SLC4A4: variants seen among roughly 807,000 people sequenced by gnomAD.
SLC4A4 encodes the protein solute carrier family 4 member 4.
SLC4A4 carries 27 observed loss-of-function variants against 111.5 expected under a neutral mutation model. That is an observed-to-expected ratio of 0.24 (90% CI 0.18 to 0.33). SLC4A4 has a LOEUF of 0.33. SLC4A4 is among the 10% of genes least tolerant of loss of function. The probability of loss-of-function intolerance (pLI) is 1.00; values close to 1 mark genes in which losing one functional copy is unlikely to be tolerated. For missense variants in SLC4A4, 909 were observed against 1,315.5 expected (o/e 0.69, Z 4.78); for synonymous variants, 443 against 463.4 (o/e 0.96, Z 0.57).
intron 18 of SLC4A4, among the ~76,000 whole-genome samples, chr4:71,544,095 T>C (rs1288008576): frequency 1.3e-5 from 2 of 152,022 alleles, no homozygotes; most frequent in Admixed American, 1.3e-4. Context: ...CAAAGACAGA[T>C]GAATACATAC....
chr4:71,293,692 T>TA (rs1435989601), intron 3 of SLC4A4, among the ~76,000 whole-genome samples: 1 of 152,214 alleles, frequency 6.6e-6, no homozygotes, highest in African/African-American at 2.4e-5. Flanking sequence ...AGACTGATGG[T>TA]ATCACATAAA....
At chr4:71,100,377 G>A (rs1578478572) in intron 2 of SLC4A4, among the ~76,000 whole-genome samples, 2 of 151,576 alleles carry the variant, frequency 1.3e-5, no homozygotes, top group Middle Eastern at 6.8e-3. Flanking sequence ...CTCAATAGAT[G>A]CAGAAAAGGC....
intron 7 of SLC4A4, among the ~76,000 whole-genome samples, chr4:71,403,674 T>C (rs1046429152): frequency 5.9e-5 from 9 of 152,164 alleles, no homozygotes; most frequent in African/African-American, 2.2e-4. Context: ...GGAGCAAATG[T>C]AGCAGGTGTG....
intron 1 of SLC4A4, among the ~76,000 whole-genome samples, chr4:71,200,530 A>G (rs949152351): frequency 6.6e-6 from 1 of 152,190 alleles, no homozygotes; most frequent in Non-Finnish European, 1.5e-5. Context: ...GAGTGTTTCC[A>G]TGTCATTATG....
At chr4:71,085,080 T>G (rs1157232015) in intron 1 of SLC4A4, among the ~76,000 whole-genome samples, 1 of 152,084 alleles carries the variant, frequency 6.6e-6, no homozygotes, top group African/African-American at 2.4e-5. Context: ...TTTCCTGACT[T>G]TTTAATGATT....
At chr4:71,440,858 A>C (rs553978135) in intron 8 of SLC4A4, 85 bp downstream of exon 8, 2 of 1,452,962 alleles carry the variant, frequency 1.4e-6, no homozygotes, top group African/African-American at 1.4e-5. Context: ...TAGAATGAGG[A>C]AATATTTAGT....
intron 7 of SLC4A4, among the ~76,000 whole-genome samples, chr4:71,414,307 G>A (rs1236953548): frequency 6.6e-6 from 1 of 152,192 alleles, no homozygotes; most frequent in African/African-American, 2.4e-5. Context: ...AGGGCCTAAG[G>A]CCTGAAGCAC....
intron 3 of SLC4A4, among the ~76,000 whole-genome samples, chr4:71,318,311 CT>C (rs1324477449): frequency 6.6e-6 from 1 of 152,034 alleles, no homozygotes; most frequent in Non-Finnish European, 1.5e-5. Flanking sequence ...AGGATACATT[CT>C]TTTGACTTAG....
chr4:71,387,897 G>A (rs4422393), intron 6 of SLC4A4, among the ~76,000 whole-genome samples: 151,331 of 152,308 alleles, frequency 0.99, 75,187 homozygotes, highest in Middle Eastern at 1. Flanking sequence ...ACATATATAT[G>A]GAAGAGAGTA....
At chr4:71,454,481 T>C (rs749990875) in intron 12 of SLC4A4, among the ~76,000 whole-genome samples, 3 of 152,152 alleles carry the variant, frequency 2.0e-5, no homozygotes, top group Non-Finnish European at 2.9e-5. Flanking sequence ...TTTCACACTT[T>C]TCCTTCCACT....
intron 5 of SLC4A4, among the ~76,000 whole-genome samples, chr4:71,354,405 T>A (rs530113031): frequency 6.6e-6 from 1 of 152,244 alleles, no homozygotes; most frequent in Non-Finnish European, 1.5e-5. Context: ...TGCATGTTCA[T>A]TTTTAAATAA....
intron 2 of SLC4A4, among the ~76,000 whole-genome samples, chr4:71,131,328 A>C (rs1482625626): frequency 1.3e-5 from 2 of 152,206 alleles, no homozygotes; most frequent in Non-Finnish European, 2.9e-5. Context: ...TTATAACAGC[A>C]GAGGTCCTCC....
intron 16 of SLC4A4, among the ~76,000 whole-genome samples, chr4:71,510,702 C>G (rs1289270972): frequency 6.6e-6 from 1 of 152,096 alleles, no homozygotes; most frequent in African/African-American, 2.4e-5. Context: ...GAATTTAACC[C>G]ATTTACATTC....
rs367838946 is a variant in SLC4A4 at position 71,546,118 on chromosome 4, A to G, written c.2443-232A>G. ...TCTTTGACTTAAGTCTTAAACAGTT[A>G]TTCAACACTATAGTACAGAAGGTCT... On this transcript the variant is annotated intron_variant, in intron 18 of 25. Transcript: ENST00000264485. 4.1e-4 allele frequency among the ~76,000 whole-genome samples: 63 copies of G among 152,202 alleles called. No homozygotes were observed. The South Asian group carries it at 0.013, about 31-fold the overall frequency.
In SLC4A4 at chr4:71,570,308, A is replaced by T. The variant is rs1737846806; in HGVS notation, c.*2557A>T. 6.6e-6 allele frequency: 1 copy of T among 150,580 alleles called. No individual in the cohort carries two copies. Among genetic ancestry groups the T allele is most frequent in the Non-Finnish European group, 1.5e-5 (1 of 67,326 alleles). 9.3% of individuals were successfully genotyped at this position (150,580 alleles called of 1,614,324 possible). The stretch of plus-strand genomic sequence containing the variant: ...GATCCATATTGATATTTATGACATG[A>T]ACACAGAATAGTACCTTACATTTGC... On this transcript the variant is annotated 3_prime_UTR_variant, in exon 26 of 26. Coordinates refer to ENST00000264485, the MANE Select transcript of SLC4A4 (RefSeq NM_001098484.3).
intron 1 of SLC4A4, among the ~76,000 whole-genome samples, chr4:71,071,845 A>G (rs973954933): frequency 2.0e-5 from 3 of 152,220 alleles, no homozygotes; most frequent in African/African-American, 7.2e-5. Flanking sequence ...ATAATGCTGC[A>G]TAAATATCCT....
intron 18 of SLC4A4, among the ~76,000 whole-genome samples, chr4:71,543,399 A>G (rs541963478): frequency 6.6e-6 from 1 of 152,208 alleles, no homozygotes; most frequent in South Asian, 2.1e-4. Flanking sequence ...GGCTGAGGAG[A>G]TGGAAGACTT....
chr4:71,450,580 G>C, intron 10 of SLC4A4, 37 bp downstream of exon 10: 1 of 1,594,992 alleles, frequency 6.3e-7, no homozygotes, highest in Middle Eastern at 1.7e-4. Context: ...CAGTAGCTGA[G>C]ATGACTCTGA....
At chr4:71,181,997 C>T (rs1049670161) in intron 2 of SLC4A4, among the ~76,000 whole-genome samples, 9 of 152,186 alleles carry the variant, frequency 5.9e-5, no homozygotes, top group African/African-American at 1.9e-4. Context: ...GTTGGACACC[C>T]TCTTCATAGC....
Sources: allele counts gnomAD v4.1 joint callset (sites outside exome capture counted in the v4.1 genomes callset), GRCh38; gene constraint gnomAD v4.1.1; transcripts MANE v1.5; gene names NCBI Gene and HGNC (gene_info 2026-07-23, HGNC 2026-07-21).